HLF: variants seen among roughly 807,000 people sequenced by gnomAD.
HLF encodes the protein hepatic leukemia factor.
Under a neutral mutation model 22.6 loss-of-function variants are expected in HLF, and 3 were observed. The ratio of observed to expected loss-of-function variants is 0.13; its 90% CI spans 0.06 to 0.34. HLF has a LOEUF of 0.34. Ranked by LOEUF, HLF falls within the 10% of genes least tolerant of loss-of-function variation. The probability of loss-of-function intolerance (pLI) is 1.00; values close to 1 mark genes in which losing one functional copy is unlikely to be tolerated. For missense variants in HLF, 299 were observed against 389.2 expected (o/e 0.77, Z 1.95); for synonymous variants, 151 against 151.8 (o/e 0.99, Z 0.04).
chr17:55,282,247 G>C lies in HLF; in HGVS notation c.451+14161G>C, dbSNP rs1428036799. Among the ~76,000 whole-genome samples the C allele has an allele frequency of 3.3e-5, 5 of 152,200 alleles. No individual in the cohort carries two copies. The East Asian group carries it at 9.6e-4, about 29-fold the overall frequency. On this transcript the variant is annotated intron_variant, in intron 2 of 3. Transcript: ENST00000226067. ...AATGCACTTGTAGTTAATATCTTTG[G>C]AGTCTTGCTTCCAGGTTTTTGAGTT...
intron 2 of HLF, among the ~76,000 whole-genome samples, chr17:55,286,317 G>C (rs751249940): frequency 6.7e-6 from 1 of 149,622 alleles, no homozygotes; most frequent in Non-Finnish European, 1.5e-5. Context: ...TTTACCTCTC[G>C]ATAGTACCCC....
intron 3 of HLF, among the ~76,000 whole-genome samples, chr17:55,319,812 T>C (rs923496355): frequency 2.0e-5 from 3 of 152,196 alleles, no homozygotes; most frequent in African/African-American, 7.2e-5. Flanking sequence ...AGGTAGAAAG[T>C]CTTACATCTT....
intron 2 of HLF, among the ~76,000 whole-genome samples, chr17:55,302,538 G>A (rs1904343460): frequency 6.6e-6 from 1 of 152,118 alleles, no homozygotes; most frequent in African/African-American, 2.4e-5. Context: ...GTGTCACCGG[G>A]GGAGCATATG....
intron 2 of HLF, among the ~76,000 whole-genome samples, chr17:55,299,031 G>GTA (rs2081133940): frequency 1.3e-5 from 2 of 152,244 alleles, no homozygotes; most frequent in Admixed American, 1.3e-4. Flanking sequence ...CATCACAAAG[G>GTA]TATATATCAG....
chr17:55,288,245 C>T (rs1183623462), intron 2 of HLF, among the ~76,000 whole-genome samples: 8 of 151,900 alleles, frequency 5.3e-5, no homozygotes, highest in African/African-American at 1.9e-4. Context: ...CCTCCTGGGC[C>T]CAAGTGATTC....
rs1272542361 is a variant in HLF, at chr17:55,296,239, C to G, written c.452-18988C>G. Among the ~76,000 whole-genome samples, 4 of 152,132 alleles carry G rather than the reference C, an allele frequency of 2.6e-5. No individual in the cohort carries two copies. The East Asian group carries it at 7.7e-4, about 29-fold the overall frequency. ...ATCCACAGGGGCTGTTTCCTCTGGA[C>G]CAGTCGTTCTCAATCTTGGCCTCAC... On this transcript the variant is annotated intron_variant, in intron 2 of 3. Transcript: ENST00000226067.
Position 55,324,360 on chromosome 17 carries a change from T to C in HLF, c.*3481T>C, listed in dbSNP as rs1330721359. 8.7e-6 allele frequency: 2 copies of C among 230,420 alleles called. No homozygotes were observed. Among genetic ancestry groups the C allele is most frequent in the East Asian group, 6.1e-5 (1 of 16,264 alleles). 14.3% of individuals were successfully genotyped at this position (230,420 alleles called of 1,614,324 possible). On this transcript the variant is annotated 3_prime_UTR_variant, in exon 4 of 4. Coordinates refer to ENST00000226067, the MANE Select transcript of HLF (RefSeq NM_002126.5). The stretch of plus-strand genomic sequence containing the variant: ...CTGTTTTCGGAAGAAGCAAGAATTA[T>C]CAGTGGCACCCTCCCCACTGCCCCC...
At chr17:55,277,274 T>TGTGTGC (rs71361764) in intron 2 of HLF, among the ~76,000 whole-genome samples, 25,159 of 113,188 alleles carry the variant, frequency 0.22, 3,245 homozygotes, top group Admixed American at 0.3. Flanking sequence ...TGTGTGTGTG[T>TGTGTGC]GCGCGCGCAT....
At position 55,275,028 on chromosome 17, in the gene HLF, CTG is replaced by C. The variant is rs375155212; in HGVS notation, c.451+6944_451+6945del. ...ATTTTAGGTGACCTTGAGTAGCTAA[CTG>C]TACCCTTTACTCATTCTTCCTGGCT... On this transcript the variant is annotated intron_variant, in intron 2 of 3. Coordinates refer to ENST00000226067, the MANE Select transcript of HLF (RefSeq NM_002126.5). Among the ~76,000 whole-genome samples, 392 of 152,344 alleles carry C rather than the reference CTG, an allele frequency of 2.6e-3. 5 individuals are homozygous for C. Among genetic ancestry groups the C allele is most frequent in the African/African-American group, 8.6e-3 (358 of 41,572 alleles).
chr17:55,311,368 G>T (rs1904820035), intron 2 of HLF, among the ~76,000 whole-genome samples: 1 of 152,114 alleles, frequency 6.6e-6, no homozygotes, highest in Non-Finnish European at 1.5e-5. Flanking sequence ...GCCGGGCGTG[G>T]TGGCGGGCGC....
chr17:55,286,530 C>T (rs1192429628), intron 2 of HLF, among the ~76,000 whole-genome samples: 1 of 152,156 alleles, frequency 6.6e-6, no homozygotes, highest in Non-Finnish European at 1.5e-5. Context: ...GCTTGACTTG[C>T]TTTTGAAAAT....
intron 2 of HLF, among the ~76,000 whole-genome samples, chr17:55,270,844 G>A (rs1441355724): frequency 2.0e-5 from 3 of 151,756 alleles, no homozygotes; most frequent in Admixed American, 6.6e-5. Flanking sequence ...GGGTTTCACC[G>A]TTTTAGCCGG....
At chr17:55,269,667 G>C (rs558402582) in intron 2 of HLF, among the ~76,000 whole-genome samples, 1 of 152,156 alleles carries the variant, frequency 6.6e-6, no homozygotes, top group Admixed American at 6.5e-5. Context: ...GAGATAATAC[G>C]TATAAAGGGT....
Position 55,316,974 on chromosome 17 carries a change from T to TTTG in HLF, c.672+1529_672+1530insGTT, listed in dbSNP as rs1555609898. ...TCCAATTTTTTATGGTGTTTTTTTT[T>TTTG]TTTTTTTTTTTGAGATGGAGTCGCA... On this transcript the variant is annotated intron_variant, in intron 3 of 3. Coordinates refer to ENST00000226067, the MANE Select transcript of HLF (RefSeq NM_002126.5). Among the ~76,000 whole-genome samples, 76 of 146,356 alleles carry TTTG rather than the reference T, an allele frequency of 5.2e-4. 3 individuals carry two copies. In the East Asian group the frequency reaches 0.014, roughly 27 times the overall value.
intron 2 of HLF, among the ~76,000 whole-genome samples, chr17:55,270,005 A>G (rs1311666078): frequency 1.3e-5 from 2 of 152,202 alleles, no homozygotes; most frequent in African/African-American, 2.4e-5. Context: ...GTTCCTACTG[A>G]GAGTCAAAAA....
In HLF at chr17:55,296,830, CA is replaced by C. The variant is rs915265221; in HGVS notation, c.452-18390del. On this transcript the variant is annotated intron_variant, in intron 2 of 3. Coordinates refer to ENST00000226067, the MANE Select transcript of HLF (RefSeq NM_002126.5). ...TGAGAAAGCTGTTTCCTCTTCCATT[CA>C]AAAAAATTTTTTTTTTTTTTTACAG... 7.3e-5 allele frequency among the ~76,000 whole-genome samples: 11 copies of C among 151,650 alleles called. 1 individual carries two copies. The South Asian group carries it at 1.3e-3, about 17-fold the overall frequency.
At position 55,267,962 on chromosome 17, in the gene HLF, C is replaced by A; in HGVS notation, c.327C>A (p.His109Gln). ...PSPSQHDHSP[H>Q]PPGLQPASSA... ...CATCTCAGCATGACCACAGCCCTCA[C>A]CCTCCTGGGCTGCAGCCAGCTTCCT... The change falls in exon 2 of 4, where the codon CAC becomes CAA. Residue 109 changes from histidine (H) to glutamine (Q), a missense_variant. Around this residue, in one of 3 missense-constraint regions of HLF, gnomAD observed 224 missense variants for 298.1 expected, o/e 0.75. Transcript: ENST00000226067. 6.2e-7 allele frequency: 1 copy of A among 1,614,102 alleles called. No individual in the cohort carries two copies. The highest frequency in any genetic ancestry group is 8.5e-7 in the Non-Finnish European group (1 of 1,179,992).
intron 2 of HLF, among the ~76,000 whole-genome samples, chr17:55,313,359 CGT>C (rs58593405): frequency 0.25 from 36,722 of 146,818 alleles, 5,098 homozygotes; most frequent in Non-Finnish European, 0.33. Context: ...GAGGTGTGTG[CGT>C]GTGTGTGTGT....
intron 2 of HLF, among the ~76,000 whole-genome samples, chr17:55,282,462 C>G (rs1046072766): frequency 2.0e-5 from 3 of 152,184 alleles, no homozygotes; most frequent in Non-Finnish European, 4.4e-5. Context: ...TAATAGAAAA[C>G]TGACCAAACA....
Sources: gnomAD v4.1 joint callset for allele counts (sites outside exome capture counted in the v4.1 genomes callset) on GRCh38, gnomAD v4.1.1 for gene constraint, gnomAD v4.1.1 regional missense constraint, MANE v1.5 for transcripts, NCBI Gene and HGNC (gene_info 2026-07-23, HGNC 2026-07-21) for gene names.